The following SACM1L variants were observed in gnomAD, a reference collection of about 807,000 sequenced individuals.
The protein encoded by SACM1L is SAC1 like phosphatidylinositide phosphatase, also known as phosphatidylinositol-3-phosphatase SAC1.
A neutral mutation model predicts 89.5 loss-of-function variants in SACM1L; 32 were observed. The ratio of observed to expected loss-of-function variants is 0.36; its 90% CI spans 0.27 to 0.48. The LOEUF (loss-of-function observed/expected upper bound fraction) is 0.48, where lower values mean the gene tolerates loss of function less well. Among genes scored for constraint, SACM1L ranks in the 20% least tolerant of loss-of-function variants. SACM1L has a pLI of 0.99. For synonymous variants in SACM1L, 213 were observed against 232.8 expected (o/e 0.92, Z 0.77); for missense variants, 543 against 708.5 (o/e 0.77, Z 2.65).
Position 45,744,599 on chromosome 3 carries a change from G to A in SACM1L, c.*930G>A, listed in dbSNP as rs934925940. On this transcript the variant is annotated 3_prime_UTR_variant, in exon 20 of 20. Transcript: ENST00000389061. ...CTTTTTCACGCATGGTACTCTTGATGTTTTTCACTCTGTCAAGGATTTTGT... is the reference window on the plus strand; with the variant it reads ...CTTTTTCACGCATGGTACTCTTGATATTTTTCACTCTGTCAAGGATTTTGT... The A allele has an allele frequency of 6.6e-6, 1 of 152,548 alleles. No homozygotes were observed. Among genetic ancestry groups the A allele is most frequent in the Non-Finnish European group, 1.5e-5 (1 of 68,020 alleles). The allele number at this position is 152,548 out of a possible 1,614,324, so 9.4% of individuals were successfully genotyped here.
intron 2 of SACM1L, among the ~76,000 whole-genome samples, chr3:45,704,089 C>T (rs1698332753): frequency 6.6e-6 from 1 of 152,126 alleles, no homozygotes; most frequent in South Asian, 2.1e-4. Flanking sequence ...ATGTGAAAAA[C>T]AAACTTTTTT....
chr3:45,717,866 T>C (rs1055658378), intron 7 of SACM1L, among the ~76,000 whole-genome samples: 1 of 152,186 alleles, frequency 6.6e-6, no homozygotes, highest in Admixed American at 6.5e-5. Context: ...CGGTGAGCCA[T>C]GATGGTGCCA....
At chr3:45,741,927 G>A (rs889525255) in intron 19 of SACM1L, among the ~76,000 whole-genome samples, 2 of 152,184 alleles carry the variant, frequency 1.3e-5, no homozygotes, top group South Asian at 2.1e-4. Context: ...AGCATGTGCC[G>A]GTTCCTCAGC....
chr3:45,731,635 C>T (rs1699055609), intron 12 of SACM1L, among the ~76,000 whole-genome samples: 1 of 152,104 alleles, frequency 6.6e-6, no homozygotes. Context: ...AGAGAGTTTC[C>T]ATAGATAATA....
intron 6 of SACM1L, 94 bp from the exon 7 acceptor site, chr3:45,713,952 T>G: frequency 5.0e-6 from 3 of 602,380 alleles, no homozygotes; most frequent in Non-Finnish European, 8.2e-6. Flanking sequence ...TACCTTGTTA[T>G]GTTTGTATAT....
At chr3:45,703,907 A>G (rs1277640883) in intron 2 of SACM1L, among the ~76,000 whole-genome samples, 1 of 152,192 alleles carries the variant, frequency 6.6e-6, no homozygotes, top group African/African-American at 2.4e-5. Context: ...CTTTAAGAGT[A>G]TGGAATTTTA....
At chr3:45,710,233 C>T (rs1437402040) in intron 5 of SACM1L, among the ~76,000 whole-genome samples, 39 of 150,166 alleles carry the variant, frequency 2.6e-4, no homozygotes, top group African/African-American at 9.6e-4. Flanking sequence ...CAGAGTCTCA[C>T]TCTGTCACCT....
chr3:45,693,916 G>T (rs1470790273), intron 1 of SACM1L, among the ~76,000 whole-genome samples: 1 of 152,164 alleles, frequency 6.6e-6, no homozygotes. Flanking sequence ...GATAATGTCA[G>T]ACAGTGATAA....
Position 45,706,567 on chromosome 3 carries a change from GA to G in SACM1L, c.206-208del, listed in dbSNP as rs549535266. ...AAGCTTTTGCTTTTATCTTTTTTGA[GA>G]AAAACATGACCTTTCAGTAAGAATT... On this transcript the variant is annotated intron_variant, in intron 3 of 19. Transcript: ENST00000389061. Among the ~76,000 whole-genome samples the G allele has an allele frequency of 7.7e-3, 1,166 of 152,204 alleles. 14 individuals carry two copies. Among genetic ancestry groups the G allele is most frequent in the African/African-American group, 0.027 (1,138 of 41,534 alleles).
chr3:45,723,616 C>A, intron 11 of SACM1L, 73 bp downstream of exon 11: 1 of 750,634 alleles, frequency 1.3e-6, no homozygotes. Flanking sequence ...ACTATTTTAA[C>A]CATTTTTTAA....
chr3:45,704,161 A>G (rs887869564), intron 2 of SACM1L, among the ~76,000 whole-genome samples: 1 of 152,172 alleles, frequency 6.6e-6, no homozygotes, highest in African/African-American at 2.4e-5. Flanking sequence ...TTTGGTGGCA[A>G]ATTAATATAC....
chr3:45,712,663 G>T (rs78417412), intron 5 of SACM1L, among the ~76,000 whole-genome samples: 9 of 152,338 alleles, frequency 5.9e-5, no homozygotes, highest in African/African-American at 2.2e-4. Flanking sequence ...ATTAGGCCAT[G>T]CAGAGATTTG....
intron 14 of SACM1L, among the ~76,000 whole-genome samples, 170 bp downstream of exon 14, chr3:45,735,543 G>A (rs537602996): frequency 6.6e-6 from 1 of 152,232 alleles, no homozygotes; most frequent in East Asian, 1.9e-4. Flanking sequence ...GTCAGTCTGT[G>A]TATGCACAGT....
At chr3:45,731,961 TATAAAG>T (rs1229442301) in intron 12 of SACM1L, 86 bp from the exon 13 acceptor site, 29 of 744,614 alleles carry the variant, frequency 3.9e-5, no homozygotes, top group Non-Finnish European at 6.1e-5. Flanking sequence ...TATGCACTGA[TATAAAG>T]AGGAAAATCA....
intron 7 of SACM1L, among the ~76,000 whole-genome samples, chr3:45,717,888 C>A (rs535257975): frequency 1.7e-4 from 26 of 152,172 alleles, no homozygotes; most frequent in Non-Finnish European, 3.2e-4. Flanking sequence ...TGCACTCCAG[C>A]CTGGTTAGCA....
At position 45,738,633 on chromosome 3, in the gene SACM1L, C is replaced by G. The variant is rs758728644; in HGVS notation, c.1438C>G (p.Arg480Gly). The G allele has an allele frequency of 6.2e-7, 1 of 1,612,330 alleles. No homozygotes were observed. Among genetic ancestry groups the G allele is most frequent in the African/African-American group, 1.3e-5 (1 of 74,838 alleles). The stretch of plus-strand genomic sequence containing the variant: ...AATGGATGGCTGGAACTCAATGATA[C>G]GATATTATAAGAACAACTTTTCCGA... ...LIMDGWNSMI[R>G]YYKNNFSDGF... The change falls in exon 17 of 20, where the codon CGA (arginine) becomes GGA (glycine). Residue 480 changes from arginine (R) to glycine (G), a missense_variant. Arg to Gly is a moderately radical substitution (Grantham distance 125). Transcript: ENST00000389061.
chr3:45,727,618 T>A (rs1034026525), intron 11 of SACM1L, among the ~76,000 whole-genome samples: 5 of 152,156 alleles, frequency 3.3e-5, no homozygotes, highest in Admixed American at 1.3e-4. Context: ...TTTTTAAATT[T>A]TTTATTTATT....
intron 1 of SACM1L, among the ~76,000 whole-genome samples, chr3:45,695,997 C>CTTTTTTTTTTTTT: frequency 7.4e-6 from 1 of 134,230 alleles, no homozygotes; most frequent in Non-Finnish European, 1.6e-5. Context: ...TCAGAATTTC[C>CTTTTTTTTTTTTT]TTTTTTTTTT....
chr3:45,703,419 G>T lies in SACM1L; in HGVS notation c.33-19G>T. On this transcript the variant is annotated intron_variant, in intron 1 of 19. Transcript: ENST00000389061. ...TCATTTCATTTGGTTAGTTATTTATGTTTTACATTTCTTCTTAGGCATATC... is the reference window on the plus strand; with the variant it reads ...TCATTTCATTTGGTTAGTTATTTATTTTTTACATTTCTTCTTAGGCATATC... The T allele has an allele frequency of 6.5e-7, 1 of 1,539,068 alleles. No individual in the cohort carries two copies. Among genetic ancestry groups the T allele is most frequent in the Non-Finnish European group, 9.0e-7 (1 of 1,112,874 alleles).
Sources: gnomAD v4.1 joint callset for allele counts (sites outside exome capture counted in the v4.1 genomes callset) on GRCh38, gnomAD v4.1.1 for gene constraint, MANE v1.5 for transcripts, NCBI Gene and HGNC (gene_info 2026-07-23, HGNC 2026-07-21) for gene names.